The following TNS1 variants were observed in gnomAD, a reference collection of about 807,000 sequenced individuals.
The protein encoded by TNS1 is tensin 1.
TNS1 carries 62 observed loss-of-function variants against 168.6 expected under a neutral mutation model. That is an observed-to-expected ratio of 0.37 (90% CI 0.30 to 0.45). The LOEUF (loss-of-function observed/expected upper bound fraction) is 0.45, where lower values mean the gene tolerates loss of function less well. Ranked by LOEUF, TNS1 falls within the 20% of genes least tolerant of loss-of-function variation. TNS1 has a pLI of 1.00. For synonymous variants in TNS1, 934 were observed against 933.2 expected, an observed-to-expected ratio of 1.00 and a Z score of -0.02; for missense variants, 2,240 against 2,339.4, an observed-to-expected ratio of 0.96 and a Z score of 0.88.
chr2:217,821,184 C>A (rs143491093), intron 23 of TNS1, among the ~76,000 whole-genome samples: 2 of 152,270 alleles, frequency 1.3e-5, no homozygotes, highest in Non-Finnish European at 2.9e-5. Flanking sequence ...GCAGGGAGGG[C>A]GCCATGATGC....
chr2:217,989,573 T>G (rs1041927183), intron 2 of TNS1, among the ~76,000 whole-genome samples: 19 of 152,102 alleles, frequency 1.2e-4, no homozygotes, highest in African/African-American at 3.6e-4. Context: ...CTGATTTCAC[T>G]GTGTGATCTG....
rs765740638 is a variant in TNS1 at position 217,849,087 on chromosome 2, T to A, written c.1430A>T (p.Glu477Val). ...TGGCCCCTGCGTGTGTCCCACCACC[T>A]CTGCAAGGGACAGAGCCGGAGGGGA... is the stretch of plus-strand genomic sequence containing the variant. ...FSGHRDDGME[E>V]VVGHTQGPLD... Residue 477 changes from glutamate to valine, a missense_variant and splice_region_variant, in exon 19 of 33, where the codon GAG becomes GTG. Physicochemically the swap from Glu to Val is moderately radical, Grantham distance 121 (BLOSUM62 -2). This residue lies in a region of TNS1 where 2,131 missense variants were observed against 2,171.2 expected (regional missense o/e 0.98). Coordinates refer to ENST00000682258, the MANE Select transcript of TNS1 (RefSeq NM_001387777.1). The A allele has an allele frequency of 6.2e-7, 1 of 1,608,722 alleles. No individual in the cohort carries two copies. Among genetic ancestry groups the A allele is most frequent in the Admixed American group, 1.7e-5 (1 of 59,926 alleles).
intron 22 of TNS1, among the ~76,000 whole-genome samples, chr2:217,823,277 T>C (rs757574626): frequency 1.3e-5 from 2 of 152,174 alleles, no homozygotes; most frequent in African/African-American, 2.4e-5. Context: ...AGAGCTTACA[T>C]AGACAATAGG....
Position 217,930,811 on chromosome 2 carries a change from G to A in TNS1, c.187-10575C>T, listed in dbSNP as rs947543055. Among the ~76,000 whole-genome samples the A allele has an allele frequency of 3.7e-4, 56 of 152,276 alleles. 1 individual carries two copies. The highest frequency in any genetic ancestry group is 2.1e-4 in the South Asian group (1 of 4,818). Reference sequence around the variant, plus strand: ...AATATGGAATGCAGGCTTCAGAGTCGCCTTCTCCAGCAACCCAAAAAGCAG... The same window carrying A: ...AATATGGAATGCAGGCTTCAGAGTCACCTTCTCCAGCAACCCAAAAAGCAG... On this transcript the variant is annotated intron_variant, in intron 3 of 32. Transcript: ENST00000682258.
intron 1 of TNS1, among the ~76,000 whole-genome samples, chr2:218,025,857 A>G (rs1459575728): frequency 3.3e-5 from 5 of 151,986 alleles, no homozygotes; most frequent in Admixed American, 2.0e-4. Context: ...CGGTCTTTCT[A>G]GATCAACTCC....
intron 18 of TNS1, among the ~76,000 whole-genome samples, chr2:217,857,071 T>C (rs1442546268): frequency 1.3e-5 from 2 of 152,168 alleles, no homozygotes; most frequent in Non-Finnish European, 2.9e-5. Flanking sequence ...AATCTCAATG[T>C]CAGCCTGTGG....
At position 217,817,697 on chromosome 2, in the gene TNS1, G is replaced by A. The variant is rs1942109801; in HGVS notation, c.4635C>T (p.Ser1545=). 1 of 1,591,960 alleles carries A rather than the reference G, an allele frequency of 6.3e-7. No individual in the cohort carries two copies. The highest frequency in any genetic ancestry group is 1.3e-5 in the African/African-American group (1 of 74,770). The part of the protein sequence containing the change: ...SHTLPDFSKY[S]MPDNSPETRA... ...GAAGGGGGAGAGGCCCACCTGGCAT[G>A]GAGTACTTGGAGAAGTCGGGCAGAG... is the stretch of plus-strand genomic sequence containing the variant. The change falls in exon 24 of 33, where the codon TCC becomes TCT. Residue 1545 remains serine (S), a synonymous_variant. Transcript: ENST00000682258.
At chr2:217,951,175 A>C (rs774770841) in intron 3 of TNS1, among the ~76,000 whole-genome samples, 12 of 152,320 alleles carry the variant, frequency 7.9e-5, no homozygotes, top group Non-Finnish European at 1.8e-4. Context: ...TGCACCGACC[A>C]CATCTGAAGC....
chr2:217,948,165 G>A lies in TNS1; in HGVS notation c.187-27929C>T, dbSNP rs1391091859. On this transcript the variant is annotated intron_variant, in intron 3 of 32. Transcript: ENST00000682258. This position sits in a 1 kb window ranked among gnomAD's most constrained non-coding sequence, Gnocchi z 4.1. ...GACTCTCAGGTTCTTACAGCACTAA[G>A]GTGAAGTTCCTCTGAGCTGCGCTAA... Among the ~76,000 whole-genome samples the A allele has an allele frequency of 2.0e-5, 3 of 152,220 alleles. No individual in the cohort carries two copies. The highest frequency in any genetic ancestry group is 4.4e-5 in the Non-Finnish European group (3 of 68,038).
intron 3 of TNS1, 121 bp from the exon 4 acceptor site, chr2:217,920,357 G>A: frequency 1.5e-6 from 1 of 672,004 alleles, no homozygotes; most frequent in South Asian, 1.6e-5. Flanking sequence ...GACACCTTCT[G>A]GGTTGAGAGT....
chr2:217,999,011 G>T (rs1019839784), intron 1 of TNS1, among the ~76,000 whole-genome samples: 1 of 152,176 alleles, frequency 6.6e-6, no homozygotes, highest in South Asian at 2.1e-4. Flanking sequence ...AAAGCTGCGT[G>T]GGGGGTGTGG....
intron 3 of TNS1, among the ~76,000 whole-genome samples, chr2:217,928,761 C>T (rs941038244): frequency 6.6e-6 from 1 of 152,158 alleles, no homozygotes; most frequent in Non-Finnish European, 1.5e-5. Context: ...AAAGCTCCAG[C>T]TGCCCACTGC....
Position 217,848,153 on chromosome 2 carries a change from A to T in TNS1, c.2364T>A (p.Pro788=), listed in dbSNP as rs749742594. 6.2e-7 allele frequency: 1 copy of T among 1,601,248 alleles called. No homozygotes were observed. The highest frequency in any genetic ancestry group is 8.5e-7 in the Non-Finnish European group (1 of 1,174,014). ...AGTGGGCTCTTTCCTGCTGGCGTGG[A>T]GGTGGGCGAGGCTGCTGCTGCTGCT... ...QQQQQQQPRP[P]PRQQERAHLE... is the part of the protein sequence containing the mutation. The change falls in exon 19 of 33, where the codon CCT becomes CCA. Residue 788 remains proline, a synonymous_variant. Transcript: ENST00000682258.
At chr2:217,917,630 A>C (rs961598869) in intron 4 of TNS1, among the ~76,000 whole-genome samples, 5 of 151,960 alleles carry the variant, frequency 3.3e-5, no homozygotes, top group African/African-American at 1.2e-4. Context: ...TCAGGAGTTC[A>C]AGCCAACCTA....
In TNS1 at chr2:217,839,030, C is replaced by A. The variant is rs879898930; in HGVS notation, c.3008-2819G>T. Among the ~76,000 whole-genome samples the A allele has an allele frequency of 1.4e-4, 21 of 149,858 alleles. 1 individual carries two copies. Among genetic ancestry groups the A allele is most frequent in the Admixed American group, 1.4e-3 (21 of 15,046 alleles). On this transcript the variant is annotated intron_variant, in intron 19 of 32. Transcript: ENST00000682258. ...ACACCCACCTAGGCAGAGGCAGGTGCCTTGCACAGACACACATGTGCATGC... is the reference window on the plus strand; with the variant it reads ...ACACCCACCTAGGCAGAGGCAGGTGACTTGCACAGACACACATGTGCATGC...
At position 217,842,310 on chromosome 2, in the gene TNS1, C is replaced by G. The variant is rs1218430841; in HGVS notation, c.3007+5200G>C. The G allele has an allele frequency of 3.5e-5, 19 of 543,292 alleles. No homozygotes were observed. In the Admixed American group the frequency reaches 6.5e-4, roughly 19 times the overall value. 33.7% of individuals were successfully genotyped at this position (543,292 alleles called of 1,614,324 possible). On this transcript the variant is annotated intron_variant, in intron 19 of 32. Coordinates refer to ENST00000682258, the MANE Select transcript of TNS1 (RefSeq NM_001387777.1). The stretch of plus-strand genomic sequence containing the variant: ...CCAACCACTGCAGATGTTTCATGGT[C>G]ATCTCAAACTTAATGTGTCCAAAAG...
chr2:217,988,500 G>A (rs1958259380), intron 2 of TNS1, among the ~76,000 whole-genome samples: 1 of 152,202 alleles, frequency 6.6e-6, no homozygotes, highest in Non-Finnish European at 1.5e-5. Context: ...GGAGTCCCTG[G>A]AGTGACGGGA....
chr2:217,809,519 GGATA>G (rs1559141296), intron 30 of TNS1, among the ~76,000 whole-genome samples: 2 of 100,826 alleles, frequency 2.0e-5, no homozygotes, highest in Admixed American at 9.7e-5. Context: ...ATGGATGGAT[GGATA>G]GGTGCATGGA....
At chr2:218,003,248 A>G (rs116249926), upstream of TNS1, among the ~76,000 whole-genome samples, 6,358 of 130,866 alleles carry the variant, frequency 0.049, 183 homozygotes, top group African/African-American at 0.093. Flanking sequence ...AAGGCTCCTC[A>G]GTCTTCTGAT....
Sources: allele counts gnomAD v4.1 joint callset (sites outside exome capture counted in the v4.1 genomes callset), GRCh38; gene constraint gnomAD v4.1.1; regional missense constraint gnomAD v4.1.1; non-coding constraint Gnocchi (gnomAD v3.1); transcripts MANE v1.5; gene names NCBI Gene and HGNC (gene_info 2026-07-23, HGNC 2026-07-21).